Variants in SULF1 observed in about 807,000 individuals in gnomAD.
The protein encoded by SULF1 is sulfatase 1, also known as extracellular sulfatase Sulf-1.
In SULF1, 46 loss-of-function variants were observed where a neutral mutation model predicts 110.5. That is an observed-to-expected ratio of 0.42 (90% CI 0.33 to 0.53). The LOEUF (loss-of-function observed/expected upper bound fraction) is 0.53, where lower values mean the gene tolerates loss of function less well. Among genes scored for constraint, SULF1 ranks in the 20% least tolerant of loss-of-function variants. The pLI, the probability that SULF1 is intolerant of heterozygous loss-of-function variation, is 0.12. For missense variants in SULF1, 941 were observed against 1,094.2 expected (o/e 0.86, Z 1.98); for synonymous variants, 371 against 387.1 (o/e 0.96, Z 0.49).
At chr8:69,482,023 A>C (rs1490261234) in intron 1 of SULF1, among the ~76,000 whole-genome samples, 1 of 152,190 alleles carries the variant, frequency 6.6e-6, no homozygotes, top group African/African-American at 2.4e-5. Context: ...ACTGCTCTTT[A>C]GTTTCTATCA....
At chr8:69,586,622 TA>T in intron 7 of SULF1, 114 bp downstream of exon 7, 3 of 1,163,644 alleles carry the variant, frequency 2.6e-6, no homozygotes, top group Non-Finnish European at 3.6e-6. Context: ...CTCACAATGT[TA>T]GCATGAGAAA....
At chr8:69,506,476 C>A (rs1811205819) in intron 3 of SULF1, among the ~76,000 whole-genome samples, 1 of 152,160 alleles carries the variant, frequency 6.6e-6, no homozygotes, top group Non-Finnish European at 1.5e-5. Flanking sequence ...CTGCTTAGAC[C>A]ACAGTCCTCA....
chr8:69,578,457 C>G lies in SULF1; in HGVS notation c.412+2248C>G, dbSNP rs796403735. 4.6e-5 allele frequency among the ~76,000 whole-genome samples: 7 copies of G among 151,130 alleles called. No homozygotes were observed. The East Asian group carries it at 9.8e-4, about 21-fold the overall frequency. On this transcript the variant is annotated intron_variant, in intron 6 of 22. Coordinates refer to ENST00000402687, the MANE Select transcript of SULF1 (RefSeq NM_001128205.2). ...CGTGCTGGTGTGCTGCACCCATTAA[C>G]TCGTCATTTAGCATAAGGTATATCT...
At chr8:69,607,682 C>T (rs947086296) in intron 13 of SULF1, among the ~76,000 whole-genome samples, 11 of 152,160 alleles carry the variant, frequency 7.2e-5, no homozygotes, top group African/African-American at 2.7e-4. Flanking sequence ...TGTGTTCTAT[C>T]GACTTTTTAT....
intron 3 of SULF1, among the ~76,000 whole-genome samples, chr8:69,530,339 C>T (rs372224437): frequency 1.3e-5 from 2 of 152,094 alleles, no homozygotes; most frequent in South Asian, 4.1e-4. Context: ...TTTTAGATGC[C>T]TACTGATGGA....
At chr8:69,550,982 A>G (rs182609143) in intron 3 of SULF1, among the ~76,000 whole-genome samples, 2 of 152,108 alleles carry the variant, frequency 1.3e-5, no homozygotes, top group Non-Finnish European at 2.9e-5. Context: ...TGTCTTTACT[A>G]TCATGGTGGT....
intron 8 of SULF1, among the ~76,000 whole-genome samples, chr8:69,593,886 T>TCTC (rs1807088555): frequency 1.3e-5 from 2 of 152,156 alleles, no homozygotes; most frequent in African/African-American, 2.4e-5. Context: ...GTTACTTCTC[T>TCTC]CTCCTCGCCT....
intron 3 of SULF1, among the ~76,000 whole-genome samples, chr8:69,514,167 A>G (rs1465619149): frequency 3.9e-5 from 6 of 152,336 alleles, no homozygotes; most frequent in Middle Eastern, 3.4e-3. Flanking sequence ...CCATTCTCAC[A>G]TTGCTATAAA....
chr8:69,521,270 G>C (rs939848359), intron 3 of SULF1, among the ~76,000 whole-genome samples: 6 of 152,102 alleles, frequency 3.9e-5, no homozygotes, highest in Non-Finnish European at 8.8e-5. Flanking sequence ...CTAGGCATGG[G>C]ATACATTACT....
At chr8:69,563,122 A>T (rs1353597040) in intron 3 of SULF1, 1 of 152,442 alleles carries the variant, frequency 6.6e-6, no homozygotes, top group African/African-American at 2.4e-5. Flanking sequence ...TCTGCTTGCT[A>T]GGTACTCAGT....
intron 5 of SULF1, among the ~76,000 whole-genome samples, chr8:69,571,786 A>G (rs1224963078): frequency 2.0e-5 from 3 of 152,228 alleles, no homozygotes; most frequent in Non-Finnish European, 4.4e-5. Context: ...CAATGGCACA[A>G]TCACAGTGGG....
At chr8:69,632,780 T>C (rs1311742581) in intron 19 of SULF1, among the ~76,000 whole-genome samples, 1 of 152,192 alleles carries the variant, frequency 6.6e-6, no homozygotes, top group Admixed American at 6.5e-5. Flanking sequence ...AACCCAGCAC[T>C]TTGGGAGGCC....
chr8:69,603,295 C>G lies in SULF1; in HGVS notation c.1165C>G (p.Leu389Val). ...DVDGKSVLKL[L>V]DPEKPGNRFR... ...GGACGGCAAGTCTGTCCTCAAACTT[C>G]TGGACCCAGAAAAGCCAGGTAACAG... The change falls in exon 11 of 23, where the codon CTG becomes GTG. Residue 389 changes from leucine to valine, a missense_variant. This residue lies in a region of SULF1 where 822 missense variants were observed against 934.3 expected (regional missense o/e 0.88). Coordinates refer to ENST00000402687, the MANE Select transcript of SULF1 (RefSeq NM_001128205.2). 1 of 1,614,120 alleles carries G rather than the reference C, an allele frequency of 6.2e-7. No individual in the cohort carries two copies. The highest frequency in any genetic ancestry group is 2.2e-5 in the East Asian group (1 of 44,870).
intron 3 of SULF1, among the ~76,000 whole-genome samples, chr8:69,518,774 AT>A (rs1254256856): frequency 1.3e-5 from 2 of 152,198 alleles, no homozygotes; most frequent in Non-Finnish European, 1.5e-5. Context: ...AGTGTAAGTT[AT>A]TCAAGGTACA....
intron 19 of SULF1, among the ~76,000 whole-genome samples, chr8:69,631,305 G>A (rs553531066): frequency 6.6e-6 from 1 of 152,258 alleles, no homozygotes; most frequent in East Asian, 1.9e-4. Flanking sequence ...CTGAGTTGAG[G>A]CCATCCTGCT....
chr8:69,638,340 A>G lies in SULF1; in HGVS notation c.2285-162A>G, dbSNP rs550625661. 5.9e-5 allele frequency: 47 copies of G among 799,642 alleles called. No homozygotes were observed. In the East Asian group the frequency reaches 1.1e-3, roughly 19 times the overall value. 49.5% of individuals were successfully genotyped at this position (799,642 alleles called of 1,614,324 possible). ...ACCTAGTTTCACAGCAAATTTACCT[A>G]CGGGGGGAAAGGTATTATTATTCTT... On this transcript the variant is annotated intron_variant, in intron 19 of 22. Transcript: ENST00000402687.
chr8:69,654,168 T>C lies in SULF1; in HGVS notation c.2586-4337T>C, dbSNP rs370029278. 3.3e-4 allele frequency among the ~76,000 whole-genome samples: 50 copies of C among 152,354 alleles called. No individual in the cohort carries two copies. In the South Asian group the frequency reaches 0.01, roughly 31 times the overall value. On this transcript the variant is annotated intron_variant, in intron 22 of 22. Coordinates refer to ENST00000402687, the MANE Select transcript of SULF1 (RefSeq NM_001128205.2). ...CCTTTTTCAAGCTGTTAATGTAATA[T>C]TGGATTTCTCTCATGACTCATGACG...
intron 3 of SULF1, among the ~76,000 whole-genome samples, chr8:69,529,631 T>A (rs1221948349): frequency 6.6e-6 from 1 of 152,112 alleles, no homozygotes; most frequent in African/African-American, 2.4e-5. Context: ...AGACCCTACA[T>A]TGTTCTAAGG....
chr8:69,638,807 A>G lies in SULF1; in HGVS notation c.2500A>G (p.Ser834Gly). The G allele has an allele frequency of 6.2e-7, 1 of 1,614,152 alleles. No individual in the cohort carries two copies. ...ACACGTACAACTAATGGAGCTCAGA[A>G]GCTGTCAAGGATATAAGCAGTGCAA... ...QLHVQLMELR[S>G]CQGYKQCNPR... is the part of the protein sequence containing the mutation. Residue 834 changes from serine to glycine, a missense_variant, in exon 21 of 23, where the codon AGC (serine) becomes GGC (glycine). This residue lies in a region of SULF1 where 112 missense variants were observed against 133.5 expected (regional missense o/e 0.84). Transcript: ENST00000402687.
Sources: gnomAD v4.1 joint callset for allele counts (sites outside exome capture counted in the v4.1 genomes callset) on GRCh38, gnomAD v4.1.1 for gene constraint, gnomAD v4.1.1 regional missense constraint, MANE v1.5 for transcripts, NCBI Gene and HGNC (gene_info 2026-07-23, HGNC 2026-07-21) for gene names.